EXOC4: variants seen among roughly 807,000 people sequenced by gnomAD.
EXOC4 encodes exocyst complex component 4, also known as SEC8-like 1.
Under a neutral mutation model 107.2 loss-of-function variants are expected in EXOC4, and 71 were observed. The observed-to-expected ratio is 0.66, with a 90% CI of 0.55 to 0.81. The LOEUF is 0.81. Among genes scored for constraint, EXOC4 ranks in the 30% least tolerant of loss-of-function variants. The pLI is 0.00. For synonymous variants in EXOC4, 456 were observed against 441.2 expected (o/e 1.03, Z -0.42); for missense variants, 1,108 against 1,189.6 (o/e 0.93, Z 1.01).
At chr7:133,317,980 T>C (rs890679710) in intron 5 of EXOC4, among the ~76,000 whole-genome samples, 1 of 152,206 alleles carries the variant, frequency 6.6e-6, no homozygotes, top group Non-Finnish European at 1.5e-5. Flanking sequence ...TTTTCTAAAG[T>C]TGAGTTTGGA....
chr7:133,254,575 T>TA (rs1301180334), intron 1 of EXOC4, among the ~76,000 whole-genome samples: 2 of 152,236 alleles, frequency 1.3e-5, no homozygotes. Context: ...AAACAATAGG[T>TA]ATTTAGTGCC....
At chr7:134,005,252 G>C (rs1034360667) in intron 16 of EXOC4, among the ~76,000 whole-genome samples, 162 bp downstream of exon 16, 2 of 152,168 alleles carry the variant, frequency 1.3e-5, no homozygotes, top group East Asian at 3.9e-4. Flanking sequence ...TGTATGACTA[G>C]GTAGACAACA....
chr7:133,464,597 T>C (rs956127056), intron 7 of EXOC4, among the ~76,000 whole-genome samples: 3 of 152,046 alleles, frequency 2.0e-5, no homozygotes, highest in Non-Finnish European at 4.4e-5. Flanking sequence ...GATGGAGTAT[T>C]TCCTAAGGAC....
intron 10 of EXOC4, among the ~76,000 whole-genome samples, chr7:133,655,531 A>G (rs894008337): frequency 1.3e-5 from 2 of 152,196 alleles, no homozygotes; most frequent in Admixed American, 6.5e-5. Flanking sequence ...ATATCCTTAT[A>G]GATGTTTTTC....
At chr7:134,074,536 T>TC in the EXOC4 span, among the ~76,000 whole-genome samples, 1 of 152,190 alleles carries the variant, frequency 6.6e-6, no homozygotes, top group Non-Finnish European at 1.5e-5. Context: ...TGAGAGAGCT[T>TC]CCGTCCCAAC....
intron 1 of EXOC4, 89 bp downstream of exon 1, chr7:133,253,276 C>G: frequency 1.4e-6 from 2 of 1,420,444 alleles, no homozygotes; most frequent in Non-Finnish European, 1.9e-6. Context: ...GGGTCCCACC[C>G]TGCTCTCCCC....
At chr7:133,518,604 G>A (rs933403706) in intron 9 of EXOC4, among the ~76,000 whole-genome samples, 3 of 152,112 alleles carry the variant, frequency 2.0e-5, no homozygotes, top group Non-Finnish European at 2.9e-5. Flanking sequence ...ATATCCATCA[G>A]TGGATAAATG....
intron 9 of EXOC4, among the ~76,000 whole-genome samples, chr7:133,513,298 A>G (rs1007089926): frequency 6.6e-6 from 1 of 152,120 alleles, no homozygotes; most frequent in Non-Finnish European, 1.5e-5. Flanking sequence ...CAAACTCCTG[A>G]GCTCAAGCGA....
At chr7:133,336,173 T>C (rs1795507136) in intron 5 of EXOC4, among the ~76,000 whole-genome samples, 1 of 152,252 alleles carries the variant, frequency 6.6e-6, no homozygotes, top group East Asian at 1.9e-4. Flanking sequence ...TGTCCATTGA[T>C]GCACAGAAGT....
intron 11 of EXOC4, among the ~76,000 whole-genome samples, chr7:133,871,742 C>T (rs959590381): frequency 6.6e-6 from 1 of 152,150 alleles, no homozygotes; most frequent in African/African-American, 2.4e-5. Flanking sequence ...GGCTTTGAAT[C>T]TGGGCTTCAT....
At chr7:134,067,063 T>C (rs1423604426), downstream of EXOC4, among the ~76,000 whole-genome samples, 1 of 149,978 alleles carries the variant, frequency 6.7e-6, no homozygotes, top group African/African-American at 2.5e-5. Context: ...GGCAGGAGAA[T>C]CGCTTGAACC....
chr7:134,083,353 C>T, the EXOC4 span, among the ~76,000 whole-genome samples: 1 of 152,210 alleles, frequency 6.6e-6, no homozygotes, highest in Non-Finnish European at 1.5e-5. Flanking sequence ...CAGACTCTCA[C>T]AGAAGGGCAA....
intron 7 of EXOC4, among the ~76,000 whole-genome samples, chr7:133,446,309 A>G (rs1051949260): frequency 1.3e-5 from 2 of 152,178 alleles, no homozygotes; most frequent in African/African-American, 4.8e-5. Flanking sequence ...GGGAGACTTT[A>G]TTCCATTTTT....
intron 17 of EXOC4, among the ~76,000 whole-genome samples, chr7:134,021,382 C>T (rs930012708): frequency 2.6e-5 from 4 of 152,086 alleles, no homozygotes; most frequent in Admixed American, 1.3e-4. Context: ...CAGATCTAGA[C>T]GCTGGCTACT....
intron 10 of EXOC4, among the ~76,000 whole-genome samples, chr7:133,725,398 C>T (rs530010844): frequency 2.0e-5 from 3 of 152,158 alleles, no homozygotes; most frequent in Admixed American, 1.3e-4. Context: ...GTTTTGAGAT[C>T]GAGTTTCACT....
At chr7:133,401,940 A>G (rs1448871337) in intron 7 of EXOC4, among the ~76,000 whole-genome samples, 1 of 152,170 alleles carries the variant, frequency 6.6e-6, no homozygotes, top group African/African-American at 2.4e-5. Context: ...TTCACTAAGA[A>G]CCTTGGTAAC....
intron 10 of EXOC4, among the ~76,000 whole-genome samples, chr7:133,738,156 C>T (rs1028408586): frequency 9.2e-5 from 14 of 152,062 alleles, no homozygotes; most frequent in Admixed American, 2.0e-4. Context: ...AAGTGATCCT[C>T]CTGCTTCGGC....
At chr7:133,637,521 G>C (rs1375302305) in intron 10 of EXOC4, among the ~76,000 whole-genome samples, 5 of 152,134 alleles carry the variant, frequency 3.3e-5, no homozygotes, top group Non-Finnish European at 7.4e-5. Flanking sequence ...TTAGTGATTA[G>C]ACAGCCTAGC....
intron 3 of EXOC4, among the ~76,000 whole-genome samples, chr7:133,304,906 G>T (rs1015798855): frequency 2.0e-5 from 3 of 152,168 alleles, no homozygotes; most frequent in African/African-American, 7.2e-5. Context: ...GCTCACTTGT[G>T]TTCTTTCCCT....
Sources: allele counts gnomAD v4.1 joint callset (sites outside exome capture counted in the v4.1 genomes callset), GRCh38; gene constraint gnomAD v4.1.1; transcripts MANE v1.5; gene names NCBI Gene and HGNC (gene_info 2026-07-23, HGNC 2026-07-21).